NEK1: variants seen among roughly 807,000 people sequenced by gnomAD.
NEK1 encodes the protein serine/threonine-protein kinase Nek1.
Under a neutral mutation model 182.1 loss-of-function variants are expected in NEK1, and 137 were observed. The observed-to-expected ratio is 0.75, with a 90% CI of 0.65 to 0.87. The LOEUF (loss-of-function observed/expected upper bound fraction) is 0.87. NEK1 is among the 40% of genes least tolerant of loss of function. NEK1 has a pLI of 0.00. For synonymous variants in NEK1, 513 were observed against 492.2 expected (o/e 1.04, Z -0.56); for missense variants, 1,391 against 1,494.4 (o/e 0.93, Z 1.14).
intron 19 of NEK1, among the ~76,000 whole-genome samples, chr4:169,523,925 T>C (rs1048892756): frequency 6.6e-6 from 1 of 152,208 alleles, no homozygotes; most frequent in African/African-American, 2.4e-5. Context: ...TTTCCATTAG[T>C]ATAAATAAAC....
chr4:169,493,485 T>C (rs1455453389), intron 23 of NEK1, among the ~76,000 whole-genome samples: 1 of 152,158 alleles, frequency 6.6e-6, no homozygotes, highest in Non-Finnish European at 1.5e-5. Context: ...CTTGGAATAT[T>C]GATGGCAAGG....
At position 169,507,130 on chromosome 4, in the gene NEK1, G is replaced by A. The variant is rs1322480043; in HGVS notation, c.1914C>T (p.Ala638=). The change falls in exon 23 of 36, where the codon GCC becomes GCT. Residue 638 remains alanine, a splice_region_variant and synonymous_variant. Coordinates refer to ENST00000507142, the MANE Select transcript of NEK1 (RefSeq NM_001199397.3). The part of the protein sequence containing the change: ...MRRKKIESLK[A]HANARAAVLK... ...GTACAGCAGCACGTGCATTTGCATGGGCCTAAAAATAAAAACAATTAACAA... is the reference window on the plus strand; with the variant it reads ...GTACAGCAGCACGTGCATTTGCATGAGCCTAAAAATAAAAACAATTAACAA... 5.7e-6 allele frequency: 9 copies of A among 1,578,870 alleles called. No homozygotes were observed. In the East Asian group the frequency reaches 1.8e-4, roughly 32 times the overall value.
intron 31 of NEK1, among the ~76,000 whole-genome samples, chr4:169,413,105 C>CT (rs1018031096): frequency 7.3e-5 from 11 of 150,590 alleles, no homozygotes; most frequent in Non-Finnish European, 1.3e-4. Flanking sequence ...GTTTATGTCA[C>CT]TTTTTTTTTA....
intron 29 of NEK1, among the ~76,000 whole-genome samples, chr4:169,428,614 G>A (rs1233186741): frequency 6.6e-6 from 1 of 151,728 alleles, no homozygotes; most frequent in Non-Finnish European, 1.5e-5. Context: ...AGAGAGGTGG[G>A]TGATGAAAAT....
At chr4:169,492,644 G>C (rs925779438) in intron 23 of NEK1, among the ~76,000 whole-genome samples, 6 of 152,290 alleles carry the variant, frequency 3.9e-5, no homozygotes, top group Admixed American at 2.0e-4. Flanking sequence ...TGTCATACCA[G>C]TTGTGTACCT....
At chr4:169,489,706 A>T (rs1268807435) in intron 23 of NEK1, among the ~76,000 whole-genome samples, 4 of 152,112 alleles carry the variant, frequency 2.6e-5, no homozygotes. Flanking sequence ...CTGGCTCCAG[A>T]AACTGAAGTG....
chr4:169,398,480 C>G (rs1731094615), intron 35 of NEK1, among the ~76,000 whole-genome samples: 1 of 152,104 alleles, frequency 6.6e-6, no homozygotes, highest in Admixed American at 6.6e-5. Context: ...AATAGCTGTC[C>G]TCTGAGCAAC....
chr4:169,577,010 G>C lies in NEK1; in HGVS notation c.938C>G (p.Ala313Gly). 1 of 1,612,576 alleles carries C rather than the reference G, an allele frequency of 6.2e-7. No homozygotes were observed. The highest frequency in any genetic ancestry group is 8.5e-7 in the Non-Finnish European group (1 of 1,179,204). ...MPAQKITKPA[A>G]KYGIPLAYKK... ...ATATGCTAAAGGTATTCCATATTTA[G>C]CGGCAGGCTTTGTAATTTTCTGAGC... The change falls in exon 12 of 36, where the codon GCT becomes GGT. Residue 313 changes from alanine (A) to glycine (G), a missense_variant. Transcript: ENST00000507142.
chr4:169,481,668 G>T (rs969309454), intron 23 of NEK1, among the ~76,000 whole-genome samples: 2 of 152,092 alleles, frequency 1.3e-5, no homozygotes, highest in Non-Finnish European at 2.9e-5. Context: ...GTTAACAGAT[G>T]TGCAGTCATC....
chr4:169,535,877 T>C (rs1366412421), intron 19 of NEK1, among the ~76,000 whole-genome samples: 1 of 126,072 alleles, frequency 7.9e-6, no homozygotes, highest in East Asian at 2.2e-4. Flanking sequence ...TTAAACTCCG[T>C]GTCAAAAAAA....
At chr4:169,521,098 C>G (rs1308079217) in intron 19 of NEK1, among the ~76,000 whole-genome samples, 2 of 72,814 alleles carry the variant, frequency 2.7e-5, no homozygotes, top group Non-Finnish European at 5.9e-5. Flanking sequence ...GGGCGCCCCT[C>G]CCCCAGCCTC....
chr4:169,451,680 A>G (rs1579755854), intron 27 of NEK1, among the ~76,000 whole-genome samples: 2 of 152,246 alleles, frequency 1.3e-5, no homozygotes, highest in African/African-American at 2.4e-5. Context: ...CACAAGAGAA[A>G]GCAGGAAAGA....
intron 18 of NEK1, among the ~76,000 whole-genome samples, chr4:169,551,179 T>C (rs1395965807): frequency 6.6e-6 from 1 of 152,224 alleles, no homozygotes; most frequent in Non-Finnish European, 1.5e-5. Context: ...GATTTTAAAC[T>C]TTTTATTACA....
intron 27 of NEK1, among the ~76,000 whole-genome samples, chr4:169,457,063 G>A (rs1378635999): frequency 1.3e-5 from 2 of 152,134 alleles, no homozygotes; most frequent in Non-Finnish European, 2.9e-5. Context: ...AGGCTAGGAA[G>A]GGTGGTGGTG....
intron 19 of NEK1, among the ~76,000 whole-genome samples, chr4:169,524,270 G>C (rs1281508996): frequency 6.6e-6 from 1 of 152,102 alleles, no homozygotes; most frequent in East Asian, 1.9e-4. Flanking sequence ...TTTGGGGCCA[G>C]CCTGACCAAC....
intron 19 of NEK1, among the ~76,000 whole-genome samples, chr4:169,531,152 G>C (rs1250123941): frequency 1.3e-5 from 2 of 151,978 alleles, no homozygotes; most frequent in Admixed American, 6.6e-5. Context: ...TAAATCAAGA[G>C]AATGTGGTAT....
chr4:169,426,733 TA>T (rs1736462799), intron 29 of NEK1, among the ~76,000 whole-genome samples: 1 of 152,116 alleles, frequency 6.6e-6, no homozygotes, highest in Admixed American at 6.5e-5. Flanking sequence ...ATGCAGCTGT[TA>T]AAAAATGAAG....
intron 29 of NEK1, among the ~76,000 whole-genome samples, chr4:169,429,074 G>A (rs1579535094): frequency 2.0e-5 from 1 of 49,636 alleles, no homozygotes; most frequent in African/African-American, 4.0e-5. Flanking sequence ...TACTGTATTC[G>A]TGGGATGCAA....
At chr4:169,482,571 C>T (rs879821585) in intron 23 of NEK1, among the ~76,000 whole-genome samples, 6 of 151,592 alleles carry the variant, frequency 4.0e-5, no homozygotes, top group Non-Finnish European at 7.4e-5. Flanking sequence ...CTCAGTCTCC[C>T]GAGTTGCTGA....
Sources: allele counts gnomAD v4.1 joint callset (sites outside exome capture counted in the v4.1 genomes callset), GRCh38; gene constraint gnomAD v4.1.1; transcripts MANE v1.5; gene names NCBI Gene and HGNC (gene_info 2026-07-23, HGNC 2026-07-21).